The following UBAP2 variants were observed in gnomAD, a reference collection of about 807,000 sequenced individuals.
UBAP2 encodes ubiquitin associated protein 2, also known as ubiquitin-associated protein 2.
Under a neutral mutation model 139.6 loss-of-function variants are expected in UBAP2, and 75 were observed. That is an observed-to-expected ratio of 0.54 (90% CI 0.45 to 0.65). The LOEUF is 0.65. Ranked by LOEUF, UBAP2 falls within the 30% of genes least tolerant of loss-of-function variation. UBAP2 has a pLI of 0.00. For missense variants in UBAP2, 1,368 were observed against 1,369.6 expected (o/e 1.00, Z 0.02); for synonymous variants, 526 against 526.2 (o/e 1.00, Z 0.01).
intron 2 of UBAP2, among the ~76,000 whole-genome samples, chr9:34,010,819 G>A (rs1237820046): frequency 2.0e-5 from 3 of 152,090 alleles, no homozygotes; most frequent in Non-Finnish European, 4.4e-5. Context: ...TCACTGCACA[G>A]TAAGTATTAT....
chr9:33,967,036 G>A (rs962810381), intron 8 of UBAP2, among the ~76,000 whole-genome samples: 1 of 151,698 alleles, frequency 6.6e-6, no homozygotes, highest in Non-Finnish European at 1.5e-5. Context: ...TCTATTTATT[G>A]TCTTCTTTAT....
At chr9:33,942,823 G>A (rs1359962552) in intron 15 of UBAP2, among the ~76,000 whole-genome samples, 2 of 152,136 alleles carry the variant, frequency 1.3e-5, no homozygotes, top group African/African-American at 2.4e-5. Context: ...CAAACATGTG[G>A]AGAAATTAGA....
intron 16 of UBAP2, 116 bp from the exon 17 acceptor site, chr9:33,935,994 T>TAAAAA: frequency 9.4e-7 from 1 of 1,058,908 alleles, no homozygotes; most frequent in Non-Finnish European, 1.3e-6. Context: ...TCTCTTTTAT[T>TAAAAA]CTATTTTTTA....
chr9:33,963,514 AAAT>A (rs1405911277), intron 9 of UBAP2, among the ~76,000 whole-genome samples: 1 of 152,214 alleles, frequency 6.6e-6, no homozygotes, highest in Non-Finnish European at 1.5e-5. Context: ...GGAACATGGA[AAAT>A]AATGATGAAA....
chr9:34,021,443 A>C (rs531789479), intron 1 of UBAP2, among the ~76,000 whole-genome samples: 1 of 152,210 alleles, frequency 6.6e-6, no homozygotes, highest in South Asian at 2.1e-4. Flanking sequence ...CAACTTTATA[A>C]TTTTGTTGGT....
At chr9:34,045,880 T>C (rs940521479) in intron 1 of UBAP2, among the ~76,000 whole-genome samples, 7 of 152,204 alleles carry the variant, frequency 4.6e-5, no homozygotes, top group South Asian at 2.1e-4. Flanking sequence ...AAAGATTACA[T>C]GGTGATATTC....
chr9:34,021,137 T>C (rs757461767), intron 1 of UBAP2, among the ~76,000 whole-genome samples: 1 of 152,216 alleles, frequency 6.6e-6, no homozygotes, highest in Admixed American at 6.5e-5. Flanking sequence ...TAATTCATCA[T>C]ACTAATTCAG....
In UBAP2 at chr9:33,924,013, A is replaced by G; in HGVS notation, c.2591-13T>C. On this transcript the variant is annotated splice_polypyrimidine_tract_variant and intron_variant, in intron 23 of 28. Coordinates refer to ENST00000379238, the MANE Select transcript of UBAP2 (RefSeq NM_001370062.2). Reference sequence around the variant, plus strand: ...TTTGTGACATCACCTAGGAAAGAGCACTGACTCCAGCCACTGCCCTTCCTC... The same window carrying G: ...TTTGTGACATCACCTAGGAAAGAGCGCTGACTCCAGCCACTGCCCTTCCTC... 2 of 1,613,040 alleles carry G rather than the reference A, an allele frequency of 1.2e-6. No homozygotes were observed. Among genetic ancestry groups the G allele is most frequent in the Non-Finnish European group, 1.7e-6 (2 of 1,179,962 alleles).
At chr9:34,040,244 A>C (rs1826942070) in intron 1 of UBAP2, among the ~76,000 whole-genome samples, 1 of 148,410 alleles carries the variant, frequency 6.7e-6, no homozygotes. Flanking sequence ...GAATCCCTTA[A>C]ACTCGGGAGG....
intron 22 of UBAP2, among the ~76,000 whole-genome samples, chr9:33,925,328 G>C (rs1192445830): frequency 6.6e-6 from 1 of 152,212 alleles, no homozygotes; most frequent in Non-Finnish European, 1.5e-5. Context: ...GACGGGAGCA[G>C]AGAAAGCCCA....
At chr9:33,990,574 G>C (rs1821615208) in intron 4 of UBAP2, among the ~76,000 whole-genome samples, 1 of 151,860 alleles carries the variant, frequency 6.6e-6, no homozygotes, top group South Asian at 2.1e-4. Context: ...TTATCATACA[G>C]TTCTGGTGAG....
chr9:33,930,996 G>A (rs1823931646), intron 19 of UBAP2, among the ~76,000 whole-genome samples: 1 of 151,676 alleles, frequency 6.6e-6, no homozygotes, highest in Non-Finnish European at 1.5e-5. Context: ...TGGAGAAAAT[G>A]TAAGGGTAGA....
rs1368013178 is a variant in UBAP2 at position 33,973,219 on chromosome 9, C to A, written c.539G>T (p.Gly180Val). 6.2e-7 allele frequency: 1 copy of A among 1,613,964 alleles called. No individual in the cohort carries two copies. Among genetic ancestry groups the A allele is most frequent in the South Asian group, 1.1e-5 (1 of 91,080 alleles). The change falls in exon 7 of 29, where the codon GGG becomes GTG. Residue 180 changes from glycine to valine, a missense_variant. Transcript: ENST00000379238. The part of the protein sequence containing the change: ...ARGRGFGRGR[G>V]RGAGRFSTQG... Reference sequence around the variant, plus strand: ...GGTTGAGAACCTTCCTGCCCCTCTCCCTCTGCCACGTCCAAATCCTTTAAA... The same window carrying A: ...GGTTGAGAACCTTCCTGCCCCTCTCACTCTGCCACGTCCAAATCCTTTAAA...
At chr9:33,966,609 T>C (rs1827478538) in intron 8 of UBAP2, among the ~76,000 whole-genome samples, 2 of 152,316 alleles carry the variant, frequency 1.3e-5, no homozygotes, top group South Asian at 4.1e-4. Flanking sequence ...TGTTCCCTTT[T>C]ATGAGGGTCT....
chr9:33,943,753 G>GA (rs937943214), intron 14 of UBAP2, among the ~76,000 whole-genome samples, 164 bp from the exon 15 acceptor site: 6 of 151,602 alleles, frequency 4.0e-5, no homozygotes, highest in Admixed American at 2.0e-4. Context: ...AAAAGAGAAA[G>GA]AAAAAAAACA....
chr9:34,026,978 G>C (rs560792832), intron 1 of UBAP2, among the ~76,000 whole-genome samples: 1 of 152,184 alleles, frequency 6.6e-6, no homozygotes, highest in East Asian at 1.9e-4. Flanking sequence ...CAAAGATCTG[G>C]TCTAGATCAG....
At chr9:33,978,913 C>T (rs1820395442) in intron 6 of UBAP2, among the ~76,000 whole-genome samples, 1 of 152,080 alleles carries the variant, frequency 6.6e-6, no homozygotes, top group African/African-American at 2.4e-5. Flanking sequence ...TTCTTCCATC[C>T]AGAAGGAAAC....
chr9:34,043,668 A>C (rs887099975), intron 1 of UBAP2, among the ~76,000 whole-genome samples: 1 of 151,254 alleles, frequency 6.6e-6, no homozygotes, highest in Non-Finnish European at 1.5e-5. Context: ...TAATTTTTAC[A>C]TTTTTTTTAT....
intron 4 of UBAP2, among the ~76,000 whole-genome samples, chr9:33,989,730 C>T (rs970426348): frequency 3.3e-5 from 5 of 152,092 alleles, no homozygotes; most frequent in African/African-American, 1.2e-4. Flanking sequence ...AAGTCATTTC[C>T]CCAAGCTCCT....
Sources: allele counts gnomAD v4.1 joint callset (sites outside exome capture counted in the v4.1 genomes callset), GRCh38; gene constraint gnomAD v4.1.1; transcripts MANE v1.5; gene names NCBI Gene and HGNC (gene_info 2026-07-23, HGNC 2026-07-21).